Variants in TEDC2 observed in about 807,000 individuals in gnomAD.
TEDC2 encodes tubulin epsilon and delta complex 2.
In TEDC2, 49 loss-of-function variants were observed where a neutral mutation model predicts 48.1. That is an observed-to-expected ratio of 1.02 (90% CI 0.81 to 1.29). The LOEUF (loss-of-function observed/expected upper bound fraction) is 1.29. Among genes scored for constraint, TEDC2 ranks in the 50% most tolerant of loss-of-function variants. TEDC2 has a pLI of 0.00. For missense variants in TEDC2, 631 were observed against 571.4 expected (o/e 1.10, Z -1.06); for synonymous variants, 299 against 247.1 (o/e 1.21, Z -1.97).
rs781022004 is a variant in TEDC2 at position 2,460,828 on chromosome 16, G to A, written c.209G>A (p.Ser70Asn). The A allele has an allele frequency of 4.3e-6, 7 of 1,612,646 alleles. No homozygotes were observed. Among genetic ancestry groups the A allele is most frequent in the Middle Eastern group, 1.6e-4 (1 of 6,062 alleles). The change falls in exon 4 of 10, where the codon AGT becomes AAT. Residue 70 changes from serine (S) to asparagine (N), a missense_variant. By Grantham distance (46) the Ser-to-Asn change is conservative (BLOSUM62 1). Transcript: ENST00000361837. ...GEDPLPACTP[S>N]PQDLKELEFL... is the part of the protein sequence containing the mutation. The stretch of plus-strand genomic sequence containing the variant: ...TTGGCTTTCACAGCATGCACACCCA[G>A]TCCACAAGACCTCAAAGAGTTGGAG...
Position 2,463,960 on chromosome 16 carries a change from G to A in TEDC2, c.965-79G>A, listed in dbSNP as rs768486599. The A allele has an allele frequency of 5.5e-6, 8 of 1,458,882 alleles. No homozygotes were observed. The Admixed American group carries it at 1.0e-4, about 18-fold the overall frequency. 90.4% of individuals were successfully genotyped at this position (1,458,882 alleles called of 1,614,324 possible). A position where few individuals can be genotyped will look rare whatever the true frequency, so the allele number is the denominator to read the frequency against. ...AAGGCAGGGCAGGTGGTGCAGATGC[G>A]GGAGGGCCAGGCACACAGGAAAAGC... On this transcript the variant is annotated intron_variant, in intron 8 of 9. Transcript: ENST00000361837.
Position 2,464,612 on chromosome 16 carries a change from C to G in TEDC2, c.1246C>G (p.Leu416Val). ...CCTGTGCCGGGCTGTGCACAGCCTG[C>G]TCTGCGAGGGAGGAGCACGTGTCCT... Reference protein sequence around the residue: ...LALCRAVHSLLCEGGARVLTI... With the variant: ...LALCRAVHSLVCEGGARVLTI... The change falls in exon 10 of 10, where the codon CTC (leucine) becomes GTC (valine). Residue 416 changes from leucine to valine, a missense_variant. By Grantham distance (32) the Leu-to-Val change is conservative. Coordinates refer to ENST00000361837, the MANE Select transcript of TEDC2 (RefSeq NM_025108.3). The G allele has an allele frequency of 6.2e-7, 1 of 1,612,318 alleles. No homozygotes were observed.
intron 9 of TEDC2, 98 bp from the exon 10 acceptor site, chr16:2,464,424 G>A (rs1410556706): frequency 1.4e-6 from 2 of 1,387,852 alleles, no homozygotes; most frequent in African/African-American, 1.4e-5. Flanking sequence ...TCAGAAGGAG[G>A]GAGGAGGGCT....
In TEDC2 at chr16:2,464,626, A is replaced by G; in HGVS notation, c.1260A>G (p.Gly420=). The change falls in exon 10 of 10, where the codon GGA becomes GGG. Residue 420 remains glycine (G), a synonymous_variant. Coordinates refer to ENST00000361837, the MANE Select transcript of TEDC2 (RefSeq NM_025108.3). The stretch of plus-strand genomic sequence containing the variant: ...TGCACAGCCTGCTCTGCGAGGGAGG[A>G]GCACGTGTCCTTACCATCCTGCGGG... ...RAVHSLLCEG[G]ARVLTILRDE... 1 of 1,612,746 alleles carries G rather than the reference A, an allele frequency of 6.2e-7. No homozygotes were observed. The highest frequency in any genetic ancestry group is 8.5e-7 in the Non-Finnish European group (1 of 1,179,958).
At chr16:2,460,426 C>CA (rs1162580930) in intron 2 of TEDC2, 45 bp downstream of exon 2, 9 of 1,539,410 alleles carry the variant, frequency 5.8e-6, no homozygotes, top group Non-Finnish European at 7.0e-6. Flanking sequence ...CTCGGGCCCT[C>CA]AGAGTCCCGC....
chr16:2,462,276 C>G (rs370374435), intron 6 of TEDC2, 37 bp downstream of exon 6: 1 of 1,610,420 alleles, frequency 6.2e-7, no homozygotes, highest in South Asian at 1.1e-5. Flanking sequence ...CTGGGGGCCT[C>G]TAGCTCTGAA....
chr16:2,460,239 G>T (rs775428546), intron 1 of TEDC2, 44 bp from the exon 2 acceptor site: 19 of 1,491,628 alleles, frequency 1.3e-5, no homozygotes, highest in East Asian at 1.1e-4. Flanking sequence ...GGGGCCCGAG[G>T]CCCGACGCTG....
In TEDC2 at chr16:2,461,209, C is replaced by T. The variant is rs779575113; in HGVS notation, c.590C>T (p.Thr197Ile). Reference sequence around the variant, plus strand: ...GCTCCTCAGGCCCCAGAAGCCTTCACACTCAAGGAGAAGGGGTAGGTTTCC... The same window carrying T: ...GCTCCTCAGGCCCCAGAAGCCTTCATACTCAAGGAGAAGGGGTAGGTTTCC... Reference protein sequence around the residue: ...SAAPQAPEAFTLKEKGHLLRL... With the variant: ...SAAPQAPEAFILKEKGHLLRL... Residue 197 changes from threonine (T) to isoleucine (I), a missense_variant, in exon 4 of 10, where the codon ACA becomes ATA. By Grantham distance (89) the Thr-to-Ile change is moderately conservative. Transcript: ENST00000361837. The T allele has an allele frequency of 4.1e-5, 61 of 1,482,984 alleles. No homozygotes were observed. The highest frequency in any genetic ancestry group is 2.2e-4 in the South Asian group (16 of 71,858). 91.9% of individuals were successfully genotyped at this position (1,482,984 alleles called of 1,614,324 possible).
chr16:2,460,465 C>A (rs539932515), intron 2 of TEDC2, 84 bp downstream of exon 2: 2 of 1,505,456 alleles, frequency 1.3e-6, no homozygotes, highest in African/African-American at 2.8e-5. Context: ...GGAGACCGGG[C>A]GCAGCCGCCC....
rs796926240 is a variant in TEDC2 at position 2,461,463 on chromosome 16, C to A, written c.605+239C>A. 9.6e-5 allele frequency: 63 copies of A among 659,056 alleles called. No homozygotes were observed. In the African/African-American group the frequency reaches 1.0e-3, roughly 10 times the overall value. The allele number at this position is 659,056 out of a possible 1,614,324, so 40.8% of individuals were successfully genotyped here. On this transcript the variant is annotated intron_variant, in intron 4 of 9. Transcript: ENST00000361837. ...CCTCCTCTCTTCTCTGTGGCTGTCC[C>A]CTTATTTGCCCAGGCCAGAGGCTCC...
At chr16:2,463,449 A>G (rs185432063) in intron 8 of TEDC2, among the ~76,000 whole-genome samples, 1 of 152,268 alleles carries the variant, frequency 6.6e-6, no homozygotes, top group East Asian at 1.9e-4. Flanking sequence ...CGACATGACG[A>G]AAGCCCATCT....
At chr16:2,463,275 T>G (rs577292829) in intron 8 of TEDC2, among the ~76,000 whole-genome samples, 1 of 151,098 alleles carries the variant, frequency 6.6e-6, no homozygotes. Flanking sequence ...GAGCTGAGAT[T>G]GCGCCACTGC....
rs779086915 is a variant in TEDC2 at position 2,462,512 on chromosome 16, A to G, written c.848A>G (p.Glu283Gly). Residue 283 changes from glutamate to glycine, a missense_variant, in exon 7 of 10, where the codon GAG becomes GGG. Physicochemically the swap from Glu to Gly is moderately conservative, Grantham distance 98. Coordinates refer to ENST00000361837, the MANE Select transcript of TEDC2 (RefSeq NM_025108.3). ...TCGCTGCTGAGACTGCGCATGAGGG[A>G]GGAGCTCTCGGCAGGTCAGTGGGTC... ...ACSLLRLRMREELSAAPMDWM... is the reference protein window; with the variant it reads ...ACSLLRLRMRGELSAAPMDWM... 1 of 1,603,436 alleles carries G rather than the reference A, an allele frequency of 6.2e-7. No individual in the cohort carries two copies. Among genetic ancestry groups the G allele is most frequent in the Non-Finnish European group, 8.5e-7 (1 of 1,175,268 alleles).
At position 2,461,740 on chromosome 16, in the gene TEDC2, C is replaced by A. The variant is rs1309258960; in HGVS notation, c.606-7C>A. 4 of 1,613,146 alleles carry A rather than the reference C, an allele frequency of 2.5e-6. No individual in the cohort carries two copies. The African/African-American group carries it at 5.3e-5, about 22-fold the overall frequency. On this transcript the variant is annotated splice_region_variant and splice_polypyrimidine_tract_variant and intron_variant, in intron 4 of 9. Transcript: ENST00000361837. ...GATGCTCCTCTGAACACGGGCTTCT[C>A]CGACAGGCACCTGCTGCGGCTGCCT... is the stretch of plus-strand genomic sequence containing the variant.
Position 2,460,162 on chromosome 16 carries a change from C to T in TEDC2, c.18C>T (p.Cys6=), listed in dbSNP as rs1374058849. The change falls in exon 1 of 10, where the codon TGC becomes TGT. Residue 6 remains cysteine (C), a synonymous_variant. Transcript: ENST00000361837. The part of the protein sequence containing the change: MLPAG[C]SRRLVAELQG... ...CCGCCTTCATGCTGCCGGCGGGCTG[C>T]TCGCGCCGGTGAGGCCTGCGCGGCA... is the stretch of plus-strand genomic sequence containing the variant. The T allele has an allele frequency of 7.4e-7, 1 of 1,350,790 alleles. No homozygotes were observed. Among genetic ancestry groups the T allele is most frequent in the South Asian group, 1.8e-5 (1 of 54,130 alleles). 83.7% of individuals were successfully genotyped at this position (1,350,790 alleles called of 1,614,324 possible).
chr16:2,460,376 T>C lies in TEDC2; in HGVS notation c.120T>C (p.His40=). The C allele has an allele frequency of 6.5e-7, 1 of 1,545,028 alleles. No homozygotes were observed. Among genetic ancestry groups the C allele is most frequent in the African/African-American group, 1.4e-5 (1 of 72,908 alleles). The change falls in exon 2 of 10, where the codon CAT becomes CAC. Residue 40 remains histidine, a synonymous_variant. Transcript: ENST00000361837. ...TGCGCGTTTGCCGTCGGCTGCTGCATGCCTGGTACGCGGACCCCGGACCCA... is the reference window on the plus strand; with the variant it reads ...TGCGCGTTTGCCGTCGGCTGCTGCACGCCTGGTACGCGGACCCCGGACCCA... ...QSLRVCRRLL[H]AWEPTGTRAL...
chr16:2,462,037 C>T (rs1414439839), intron 5 of TEDC2, 112 bp from the exon 6 acceptor site: 3 of 1,263,242 alleles, frequency 2.4e-6, no homozygotes, highest in African/African-American at 3.0e-5. Context: ...AGCCAGACGC[C>T]CAGCCTGGGG....
intron 8 of TEDC2, among the ~76,000 whole-genome samples, chr16:2,462,984 C>T (rs1198834105): frequency 6.6e-6 from 1 of 152,220 alleles, no homozygotes; most frequent in Admixed American, 6.5e-5. Context: ...CACACAGAAC[C>T]TCATTGCTCT....
Position 2,462,460 on chromosome 16 carries a change from G to C in TEDC2, c.796G>C (p.Glu266Gln). Residue 266 changes from glutamate to glutamine, a missense_variant, in exon 7 of 10, where the codon GAG becomes CAG. By Grantham distance (29) the Glu-to-Gln change is conservative. Transcript: ENST00000361837. ...PRLSAVEVEA[E>Q]AGRLRKACSL... ...GCTCAGTGCTGTGGAGGTGGAGGCG[G>C]AGGCGGGGCGCCTGCGGAAGGCCTG... 1 of 1,611,246 alleles carries C rather than the reference G, an allele frequency of 6.2e-7. No individual in the cohort carries two copies. Among genetic ancestry groups the C allele is most frequent in the Non-Finnish European group, 8.5e-7 (1 of 1,179,440 alleles).
Sources: allele counts gnomAD v4.1 joint callset (sites outside exome capture counted in the v4.1 genomes callset), GRCh38; gene constraint gnomAD v4.1.1; transcripts MANE v1.5; gene names NCBI Gene and HGNC (gene_info 2026-07-23, HGNC 2026-07-21).